The following ALS2 variants were observed in gnomAD, a reference collection of about 807,000 sequenced individuals.
ALS2 encodes the protein alsin Rho guanine nucleotide exchange factor ALS2, also known as alsin.
In ALS2, 117 loss-of-function variants were observed where a neutral mutation model predicts 203.4. The ratio of observed to expected loss-of-function variants is 0.58; its 90% CI spans 0.50 to 0.67. The LOEUF is 0.67. Among genes scored for constraint, ALS2 ranks in the 30% least tolerant of loss-of-function variants. The pLI, the probability that ALS2 is intolerant of heterozygous loss-of-function variation, is 0.00. For synonymous variants in ALS2, 718 were observed against 725.9 expected (o/e 0.99, Z 0.17); for missense variants, 1,715 against 1,989.4 (o/e 0.86, Z 2.62).
chr2:201,729,343 T>C (rs1021419578), intron 13 of ALS2, among the ~76,000 whole-genome samples, 160 bp from the exon 14 acceptor site: 3 of 151,948 alleles, frequency 2.0e-5, no homozygotes, highest in Non-Finnish European at 2.9e-5. Context: ...GAAAAGGAGA[T>C]TGGTTTCAGA....
At chr2:201,705,963 T>A (rs889408281) in intron 29 of ALS2, among the ~76,000 whole-genome samples, 1 of 128,294 alleles carries the variant, frequency 7.8e-6, no homozygotes, top group Non-Finnish European at 1.7e-5. Context: ...AAAAAAAAAA[T>A]TGAGGCTTAT....
intron 31 of ALS2, 79 bp downstream of exon 31, chr2:201,705,060 G>C: frequency 7.2e-7 from 1 of 1,388,156 alleles, no homozygotes; most frequent in Non-Finnish European, 1.0e-6. Context: ...CTTAGGTAAA[G>C]ATAAGATCAT....
intron 9 of ALS2, among the ~76,000 whole-genome samples, chr2:201,745,738 C>CA (rs1363390789): frequency 6.6e-6 from 1 of 152,112 alleles, no homozygotes; most frequent in East Asian, 1.9e-4. Flanking sequence ...CACTTGAGGT[C>CA]AGGAGTTCAA....
intron 10 of ALS2, 86 bp from the exon 11 acceptor site, chr2:201,741,940 A>G: frequency 8.2e-7 from 1 of 1,223,326 alleles, no homozygotes; most frequent in Non-Finnish European, 1.2e-6. Context: ...GAATTCCTCT[A>G]AGACTACTTA....
chr2:201,726,992 T>A, intron 17 of ALS2, 126 bp from the exon 18 acceptor site: 1 of 912,470 alleles, frequency 1.1e-6, no homozygotes, highest in Non-Finnish European at 1.7e-6. Flanking sequence ...ATTAATAGAG[T>A]AATATTGACT....
Position 201,723,408 on chromosome 2 carries a change from A to G in ALS2, c.3546T>C (p.Asp1182=). The G allele has an allele frequency of 6.2e-7, 1 of 1,614,118 alleles. No individual in the cohort carries two copies. The highest frequency in any genetic ancestry group is 8.5e-7 in the Non-Finnish European group (1 of 1,179,990). Residue 1182 remains aspartate, a synonymous_variant, in exon 22 of 34, where the codon GAT becomes GAC. Coordinates refer to ENST00000264276, the MANE Select transcript of ALS2 (RefSeq NM_020919.4). ...CCACCACACCATTCCCTTGACACACATCATCTTGCCACATTCCCATATACT... is the reference window on the plus strand; with the variant it reads ...CCACCACACCATTCCCTTGACACACGTCATCTTGCCACATTCCCATATACT... The part of the protein sequence containing the change: ...GEKYMGMWQD[D]VCQGNGVVVT...
chr2:201,705,356 T>C, intron 30 of ALS2, 60 bp downstream of exon 30: 1 of 1,569,004 alleles, frequency 6.4e-7, no homozygotes, highest in Non-Finnish European at 8.8e-7. Context: ...AGTTTTGCTA[T>C]CTCAAATCCT....
At chr2:201,730,742 T>A (rs955075278) in intron 13 of ALS2, among the ~76,000 whole-genome samples, 3 of 152,234 alleles carry the variant, frequency 2.0e-5, no homozygotes, top group Non-Finnish European at 2.9e-5. Context: ...CAGAGCTGCT[T>A]TACATGTACT....
At position 201,735,375 on chromosome 2, in the gene ALS2, C is replaced by T. The variant is rs563991537; in HGVS notation, c.2418-1937G>A. Among the ~76,000 whole-genome samples, 13 of 152,258 alleles carry T rather than the reference C, an allele frequency of 8.5e-5. No homozygotes were observed. In the South Asian group the frequency reaches 2.7e-3, roughly 32 times the overall value. On this transcript the variant is annotated intron_variant, in intron 12 of 33. Coordinates refer to ENST00000264276, the MANE Select transcript of ALS2 (RefSeq NM_020919.4). ...GATTAAAATGATAAATATGACATTA[C>T]ATATATTTTATCACATTAGGAAAAA...
At chr2:201,771,563 T>C (rs977670903) in intron 1 of ALS2, among the ~76,000 whole-genome samples, 3 of 152,192 alleles carry the variant, frequency 2.0e-5, no homozygotes, top group African/African-American at 7.2e-5. Flanking sequence ...ACCAACTCTA[T>C]TTAATCTAAC....
At chr2:201,768,506 A>G (rs1021350613) in intron 2 of ALS2, among the ~76,000 whole-genome samples, 4 of 152,314 alleles carry the variant, frequency 2.6e-5, no homozygotes, top group African/African-American at 9.6e-5. Flanking sequence ...CCATGGTTCT[A>G]TAGGAGGAAC....
At chr2:201,739,009 CGG>C (rs1692070133) in intron 11 of ALS2, among the ~76,000 whole-genome samples, 9 of 151,710 alleles carry the variant, frequency 5.9e-5, no homozygotes, top group Admixed American at 5.9e-4. Flanking sequence ...GAGGCTAAGG[CGG>C]GAGGATCGCT....
At chr2:201,748,509 C>G (rs939638301) in intron 8 of ALS2, among the ~76,000 whole-genome samples, 1 of 152,134 alleles carries the variant, frequency 6.6e-6, no homozygotes, top group East Asian at 1.9e-4. Context: ...AATCTTGTAA[C>G]AAACTATTCT....
In ALS2 at chr2:201,723,449, G is replaced by A. The variant is rs745680179; in HGVS notation, c.3513-8C>T. On this transcript the variant is annotated splice_polypyrimidine_tract_variant and splice_region_variant and intron_variant, in intron 21 of 33. Coordinates refer to ENST00000264276, the MANE Select transcript of ALS2 (RefSeq NM_020919.4). ...CCCATATACTTTTCCCCCCTGCACA[G>A]AAATAAAAAGAAAAGAAAAAGCACT... The A allele has an allele frequency of 6.3e-7, 1 of 1,598,424 alleles. No individual in the cohort carries two copies. The highest frequency in any genetic ancestry group is 1.1e-5 in the South Asian group (1 of 90,762).
At chr2:201,722,480 C>T (rs763416897) in intron 23 of ALS2, 1 of 152,502 alleles carries the variant, frequency 6.6e-6, no homozygotes, top group Admixed American at 6.5e-5. Context: ...ACACTCCAGG[C>T]ATCTACTTGA....
chr2:201,706,273 C>T (rs1689705502), intron 29 of ALS2, among the ~76,000 whole-genome samples: 1 of 151,754 alleles, frequency 6.6e-6, no homozygotes, highest in Non-Finnish European at 1.5e-5. Flanking sequence ...GTAATCCCAG[C>T]TACTTGGGAG....
intron 12 of ALS2, among the ~76,000 whole-genome samples, chr2:201,734,996 G>A (rs1288100034): frequency 6.6e-6 from 1 of 152,172 alleles, no homozygotes; most frequent in Non-Finnish European, 1.5e-5. Context: ...ATGTGGTAAT[G>A]TGTACATACA....
chr2:201,742,880 T>C (rs927660410), intron 10 of ALS2, among the ~76,000 whole-genome samples: 6 of 152,006 alleles, frequency 3.9e-5, no homozygotes, highest in African/African-American at 1.5e-4. Context: ...AAGACCAGCC[T>C]GGGAAACATG....
chr2:201,719,590 A>AAAAAAT (rs143044372), intron 23 of ALS2, among the ~76,000 whole-genome samples: 5,655 of 148,854 alleles, frequency 0.038, 216 homozygotes, highest in East Asian at 0.23. Flanking sequence ...TCCGTCTCGA[A>AAAAAAT]AAAAATAAAA....
Sources: gnomAD v4.1 joint callset for allele counts (sites outside exome capture counted in the v4.1 genomes callset) on GRCh38, gnomAD v4.1.1 for gene constraint, MANE v1.5 for transcripts, NCBI Gene and HGNC (gene_info 2026-07-23, HGNC 2026-07-21) for gene names.